Variants in TC2N observed in about 807,000 individuals in gnomAD.
TC2N encodes tandem C2 domains, nuclear, also known as tandem C2 domains nuclear protein.
Under a neutral mutation model 61.9 loss-of-function variants are expected in TC2N, and 51 were observed. The observed-to-expected ratio is 0.82, with a 90% confidence interval of 0.66 to 1.04. TC2N has a LOEUF of 1.04. Among genes scored for constraint, TC2N ranks in the 50% least tolerant of loss-of-function variants. The pLI is 0.00. For missense variants in TC2N, 556 were observed against 566.7 expected (o/e 0.98, Z 0.19); for synonymous variants, 204 against 192.6 (o/e 1.06, Z -0.49).
rs147464548 is a variant in TC2N, at chr14:91,860,074, C to G, written c.-57+7188G>C. 7.9e-3 allele frequency among the ~76,000 whole-genome samples: 1,205 copies of G among 152,200 alleles called. 19 individuals carry two copies. The highest frequency in any genetic ancestry group is 0.028 in the African/African-American group (1,158 of 41,520). On this transcript the variant is annotated intron_variant, in intron 1 of 11. Coordinates refer to ENST00000435962, the MANE Select transcript of TC2N (RefSeq NM_001128596.3). Reference sequence around the variant, plus strand: ...AGTCAGTCTTACTCTTTAGAAAGATCGCTTTAGAAATAATGTCTCTTATGT... The same window carrying G: ...AGTCAGTCTTACTCTTTAGAAAGATGGCTTTAGAAATAATGTCTCTTATGT...
At chr14:91,832,924 A>G (rs1366335311) in intron 1 of TC2N, among the ~76,000 whole-genome samples, 1 of 152,248 alleles carries the variant, frequency 6.6e-6, no homozygotes, top group Admixed American at 6.5e-5. Flanking sequence ...ACTACAACAC[A>G]TCAGCATGAA....
Position 91,798,986 on chromosome 14 carries a change from T to A in TC2N, c.637+3A>T. The A allele has an allele frequency of 6.3e-7, 1 of 1,586,552 alleles. No homozygotes were observed. The highest frequency in any genetic ancestry group is 2.3e-5 in the East Asian group (1 of 44,170). ...TATAAAAGTAGGATACTTTATTCCTTACCCAGGCTTCTGTTACTCCCCTGA... is the reference window on the plus strand; with the variant it reads ...TATAAAAGTAGGATACTTTATTCCTAACCCAGGCTTCTGTTACTCCCCTGA... On this transcript the variant is annotated splice_donor_region_variant and intron_variant, in intron 6 of 11. Coordinates refer to ENST00000435962, the MANE Select transcript of TC2N (RefSeq NM_001128596.3).
chr14:91,805,891 C>CT (rs1473563622), intron 3 of TC2N, among the ~76,000 whole-genome samples: 1 of 152,118 alleles, frequency 6.6e-6, no homozygotes, highest in African/African-American at 2.4e-5. Context: ...GATAAATGCC[C>CT]TATACAGGTG....
At chr14:91,844,580 G>A (rs904806682) in intron 1 of TC2N, among the ~76,000 whole-genome samples, 2 of 151,944 alleles carry the variant, frequency 1.3e-5, no homozygotes, top group African/African-American at 4.8e-5. Context: ...TGGCCAACAT[G>A]GTGAAACCCC....
At chr14:91,820,440 A>G (rs1330576874) in intron 1 of TC2N, among the ~76,000 whole-genome samples, 5 of 152,004 alleles carry the variant, frequency 3.3e-5, no homozygotes, top group Non-Finnish European at 7.4e-5. Flanking sequence ...AATACTGAGA[A>G]TAGAAGAGAA....
intron 1 of TC2N, among the ~76,000 whole-genome samples, chr14:91,827,240 T>C (rs1339247128): frequency 2.0e-5 from 3 of 152,236 alleles, no homozygotes; most frequent in Non-Finnish European, 4.4e-5. Context: ...CCTATTGCTG[T>C]TGCAACAAAT....
At chr14:91,838,689 G>C (rs1274420492) in intron 1 of TC2N, among the ~76,000 whole-genome samples, 1 of 152,206 alleles carries the variant, frequency 6.6e-6, no homozygotes, top group East Asian at 1.9e-4. Context: ...ACTCTTCACT[G>C]ATGCAGAAGT....
At chr14:91,865,753 A>G (rs189047968) in intron 1 of TC2N, among the ~76,000 whole-genome samples, 178 of 152,290 alleles carry the variant, frequency 1.2e-3, no homozygotes, top group African/African-American at 4.2e-3. Flanking sequence ...TCTTGTATAA[A>G]ACAGATGTCT....
chr14:91,864,291 G>C (rs1888652170), intron 1 of TC2N, among the ~76,000 whole-genome samples: 1 of 152,180 alleles, frequency 6.6e-6, no homozygotes, highest in Non-Finnish European at 1.5e-5. Context: ...TCCCTTGCAG[G>C]AACTCAAGAT....
chr14:91,831,048 C>T (rs1887746091), intron 1 of TC2N, among the ~76,000 whole-genome samples: 1 of 152,168 alleles, frequency 6.6e-6, no homozygotes, highest in South Asian at 2.1e-4. Flanking sequence ...TCAAGTTTCC[C>T]CTGTTTAGCA....
intron 9 of TC2N, among the ~76,000 whole-genome samples, chr14:91,790,343 C>T (rs1048371725): frequency 7.9e-5 from 12 of 152,246 alleles, no homozygotes; most frequent in Middle Eastern, 3.4e-3. Context: ...TGGGAAAGTA[C>T]GGCTCTTTAG....
intron 11 of TC2N, 71 bp from the exon 12 acceptor site, chr14:91,783,281 CT>C (rs2139816606): frequency 1.3e-6 from 1 of 796,704 alleles, no homozygotes; most frequent in East Asian, 2.8e-5. Flanking sequence ...CAGTTAGTTA[CT>C]CTTACTGATG....
intron 1 of TC2N, among the ~76,000 whole-genome samples, chr14:91,819,722 A>G (rs547566906): frequency 1.1e-4 from 16 of 152,312 alleles, no homozygotes; most frequent in Admixed American, 4.6e-4. Flanking sequence ...AAGGTTTGTA[A>G]CATATGTAAA....
chr14:91,856,672 C>T (rs116678880), intron 1 of TC2N, among the ~76,000 whole-genome samples: 2,981 of 152,236 alleles, frequency 0.02, 97 homozygotes, highest in African/African-American at 0.067. Flanking sequence ...CATATGGGAG[C>T]CCTCTCTGCA....
At chr14:91,811,099 C>A (rs1426427958) in intron 3 of TC2N, among the ~76,000 whole-genome samples, 1 of 152,094 alleles carries the variant, frequency 6.6e-6, no homozygotes, top group African/African-American at 2.4e-5. Context: ...CTCACTTGGG[C>A]AGCTCACTGT....
intron 8 of TC2N, among the ~76,000 whole-genome samples, chr14:91,797,055 T>C (rs1885932670): frequency 6.6e-6 from 1 of 152,094 alleles, no homozygotes; most frequent in Non-Finnish European, 1.5e-5. Context: ...TTTTAAGGTT[T>C]TGACATGTAG....
intron 3 of TC2N, among the ~76,000 whole-genome samples, chr14:91,807,994 A>C (rs1245609103): frequency 2.6e-5 from 4 of 152,140 alleles, no homozygotes; most frequent in African/African-American, 9.7e-5. Flanking sequence ...TGATGGTTTT[A>C]TAAGGGGTTT....
intron 3 of TC2N, among the ~76,000 whole-genome samples, chr14:91,805,809 G>C (rs991073844): frequency 6.6e-6 from 1 of 152,150 alleles, no homozygotes; most frequent in African/African-American, 2.4e-5. Context: ...TAATGTCCTA[G>C]TTTTCACATT....
intron 1 of TC2N, among the ~76,000 whole-genome samples, chr14:91,818,263 A>G (rs1887091283): frequency 6.6e-6 from 1 of 152,168 alleles, no homozygotes; most frequent in Non-Finnish European, 1.5e-5. Flanking sequence ...TCAACAGAGT[A>G]CTGATCAGCA....
Sources: allele counts gnomAD v4.1 joint callset (sites outside exome capture counted in the v4.1 genomes callset), GRCh38; gene constraint gnomAD v4.1.1; transcripts MANE v1.5; gene names NCBI Gene and HGNC (gene_info 2026-07-23, HGNC 2026-07-21).